CSNK2A2: variants seen among roughly 807,000 people sequenced by gnomAD.
The protein encoded by CSNK2A2 is casein kinase 2 alpha 2.
CSNK2A2 carries 8 observed loss-of-function variants against 54.0 expected under a neutral mutation model. The observed-to-expected ratio is 0.15, with a 90% confidence interval of 0.09 to 0.27. The LOEUF (loss-of-function observed/expected upper bound fraction) is 0.27, where lower values mean the gene tolerates loss of function less well. Ranked by LOEUF, CSNK2A2 falls within the 10% of genes least tolerant of loss-of-function variation. The probability of loss-of-function intolerance (pLI) is 1.00; values close to 1 mark genes in which losing one functional copy is unlikely to be tolerated. For synonymous variants in CSNK2A2, 141 were observed against 153.9 expected (o/e 0.92, Z 0.62); for missense variants, 242 against 439.4 (o/e 0.55, Z 4.02).
chr16:58,187,343 G>A (rs1435456852), intron 2 of CSNK2A2, among the ~76,000 whole-genome samples: 1 of 152,010 alleles, frequency 6.6e-6, no homozygotes, highest in Non-Finnish European at 1.5e-5. Flanking sequence ...CCAGCTGCTG[G>A]CTCTCATTTC....
chr16:58,163,103 T>G (rs1348331885), intron 11 of CSNK2A2: 1 of 151,758 alleles, frequency 6.6e-6, no homozygotes, highest in Non-Finnish European at 1.5e-5. Context: ...TCTAATGGGA[T>G]GTTTTCCTCC....
At chr16:58,179,572 TAAC>T (rs747570757) in intron 4 of CSNK2A2, among the ~76,000 whole-genome samples, 22 of 151,870 alleles carry the variant, frequency 1.4e-4, no homozygotes, top group African/African-American at 4.1e-4. Context: ...GGCAAAACAG[TAAC>T]AACTGGTAAA....
chr16:58,186,789 A>G lies in CSNK2A2; in HGVS notation c.284T>C (p.Ile95Thr). 2 of 1,614,118 alleles carry G rather than the reference A, an allele frequency of 1.2e-6. No homozygotes were observed. The highest frequency in any genetic ancestry group is 1.7e-6 in the Non-Finnish European group (2 of 1,179,992). The change falls in exon 3 of 12, where the codon ATC (isoleucine) becomes ACC (threonine). Residue 95 changes from isoleucine to threonine, a missense_variant. Ile to Thr is a moderately conservative substitution (Grantham distance 89, BLOSUM62 -1). Coordinates refer to ENST00000262506, the MANE Select transcript of CSNK2A2 (RefSeq NM_001896.4). ...CTTTACAGTGTCAATCAGCTTAATG[A>G]TATTTGTTCCACCACGAAGGTTCTC... ...ILENLRGGTN[I>T]IKLIDTVKDP...
At chr16:58,188,132 A>AT (rs1158785202) in intron 2 of CSNK2A2, among the ~76,000 whole-genome samples, 4 of 152,232 alleles carry the variant, frequency 2.6e-5, no homozygotes, top group Non-Finnish European at 5.9e-5. Flanking sequence ...CTTTGAACAC[A>AT]TAACAAAACA....
At chr16:58,168,564 T>C in intron 6 of CSNK2A2, 46 bp downstream of exon 6, 1 of 1,559,476 alleles carries the variant, frequency 6.4e-7, no homozygotes, top group Non-Finnish European at 8.8e-7. Flanking sequence ...TTTGGTCTGC[T>C]CTAAGCCTTT....
intron 5 of CSNK2A2, among the ~76,000 whole-genome samples, chr16:58,169,978 G>A (rs574912677): frequency 3.3e-5 from 5 of 152,166 alleles, no homozygotes; most frequent in East Asian, 1.9e-4. Context: ...CCTGAGAGGC[G>A]GAGGTTGCAG....
chr16:58,162,564 C>G (rs1210005565), intron 11 of CSNK2A2: 1 of 152,122 alleles, frequency 6.6e-6, no homozygotes, highest in Non-Finnish European at 1.5e-5. Context: ...GGAATGTAAA[C>G]AAATGTTTCA....
chr16:58,193,061 T>C (rs1205450107), intron 2 of CSNK2A2, among the ~76,000 whole-genome samples: 1 of 152,254 alleles, frequency 6.6e-6, no homozygotes, highest in Non-Finnish European at 1.5e-5. Context: ...ACTTTAGTGA[T>C]ACTGTTTGCA....
At chr16:58,176,340 T>C (rs1412656104) in intron 4 of CSNK2A2, among the ~76,000 whole-genome samples, 3 of 152,170 alleles carry the variant, frequency 2.0e-5, no homozygotes, top group African/African-American at 2.4e-5. Context: ...TAAAAATAAA[T>C]GTCTCTGGAC....
At chr16:58,194,924 TA>T (rs34830080) in intron 2 of CSNK2A2, among the ~76,000 whole-genome samples, 20,307 of 145,114 alleles carry the variant, frequency 0.14, 1,799 homozygotes, top group Admixed American at 0.27. Flanking sequence ...GCTGTTCCTT[TA>T]AAAAAAAAAA....
chr16:58,164,171 C>G, intron 10 of CSNK2A2, 24 bp from the exon 11 acceptor site: 1 of 1,611,830 alleles, frequency 6.2e-7, no homozygotes, highest in Non-Finnish European at 8.5e-7. Context: ...GGAGGAAAGT[C>G]AGGCAATCAG....
At chr16:58,186,707 T>C in intron 3 of CSNK2A2, 48 bp downstream of exon 3, 2 of 1,373,050 alleles carry the variant, frequency 1.5e-6, no homozygotes, top group Non-Finnish European at 2.1e-6. Context: ...AACTCCCATA[T>C]CCACACCCCG....
Position 58,164,037 on chromosome 16 carries a change from CA to C in CSNK2A2, c.*17+16del. The C allele has an allele frequency of 1.9e-6, 3 of 1,589,622 alleles. No homozygotes were observed. The highest frequency in any genetic ancestry group is 2.6e-6 in the Non-Finnish European group (3 of 1,160,982). ...TTGGTTGGTTGGTTTTATTGGCAAG[CA>C]TCAATGCCGCATTACCCGTCGCTTT... is the stretch of plus-strand genomic sequence containing the variant. On this transcript the variant is annotated intron_variant, in intron 11 of 11. Transcript: ENST00000262506.
intron 4 of CSNK2A2, among the ~76,000 whole-genome samples, chr16:58,182,607 C>T (rs1401604180): frequency 1.3e-5 from 2 of 149,380 alleles, no homozygotes; most frequent in Non-Finnish European, 3.0e-5. Context: ...AAATTTTACA[C>T]ATGTAGCAGA....
chr16:58,194,120 G>A (rs1414284991), intron 2 of CSNK2A2, among the ~76,000 whole-genome samples: 3 of 152,164 alleles, frequency 2.0e-5, no homozygotes, highest in Admixed American at 6.5e-5. Flanking sequence ...CCTCAAGAAA[G>A]CCACCCTCTA....
rs890928188 is a variant in CSNK2A2, at chr16:58,165,502, G to A, written c.976+58C>T. 2.7e-6 allele frequency: 4 copies of A among 1,494,632 alleles called. No homozygotes were observed. In the Admixed American group the frequency reaches 8.9e-5, roughly 33 times the overall value. 92.6% of individuals were successfully genotyped at this position (1,494,632 alleles called of 1,614,324 possible). A position where few individuals can be genotyped will look rare whatever the true frequency, so the allele number is the denominator to read the frequency against. ...TCCTGACTGGTCTCAAAGACAAAGA[G>A]TGGAAGATTTGTTCTCTTGACTGAA... On this transcript the variant is annotated intron_variant, in intron 10 of 11. Coordinates refer to ENST00000262506, the MANE Select transcript of CSNK2A2 (RefSeq NM_001896.4).
At chr16:58,192,314 C>G (rs1463441729) in intron 2 of CSNK2A2, among the ~76,000 whole-genome samples, 5 of 152,126 alleles carry the variant, frequency 3.3e-5, no homozygotes, top group African/African-American at 1.2e-4. Context: ...AATGGGCACA[C>G]TATATCAAGA....
intron 3 of CSNK2A2, among the ~76,000 whole-genome samples, chr16:58,186,386 G>T (rs1347876598): frequency 1.3e-5 from 2 of 152,206 alleles, no homozygotes; most frequent in Non-Finnish European, 2.9e-5. Context: ...TGTAAACCCA[G>T]ATTTTCAAAT....
intron 9 of CSNK2A2, 98 bp from the exon 10 acceptor site, chr16:58,165,806 T>TGA: frequency 7.7e-7 from 1 of 1,301,392 alleles, no homozygotes; most frequent in Non-Finnish European, 1.1e-6. Context: ...AATAATGTAC[T>TGA]GATTACAAGC....
Sources: gnomAD v4.1 joint callset for allele counts (sites outside exome capture counted in the v4.1 genomes callset) on GRCh38, gnomAD v4.1.1 for gene constraint, MANE v1.5 for transcripts, NCBI Gene and HGNC (gene_info 2026-07-23, HGNC 2026-07-21) for gene names.